The following NXPH1 variants were observed in gnomAD, a reference collection of about 807,000 sequenced individuals.
NXPH1 encodes the protein neurexophilin 1.
A neutral mutation model predicts 23.7 loss-of-function variants in NXPH1; 5 were observed. The ratio of observed to expected loss-of-function variants is 0.21; its 90% CI spans 0.11 to 0.44. NXPH1 has a LOEUF of 0.44. Among genes scored for constraint, NXPH1 ranks in the 20% least tolerant of loss-of-function variants. The pLI is 0.99. For missense variants in NXPH1, 324 were observed against 321.6 expected, an observed-to-expected ratio of 1.01 and a Z score of -0.06; for synonymous variants, 144 against 122.2, an observed-to-expected ratio of 1.18 and a Z score of -1.18.
At chr7:8,583,691 G>A (rs142971373) in intron 2 of NXPH1, among the ~76,000 whole-genome samples, 5 of 152,202 alleles carry the variant, frequency 3.3e-5, no homozygotes, top group Non-Finnish European at 5.9e-5. Context: ...AACAGGGGCC[G>A]AGAGCAACAA....
intron 2 of NXPH1, among the ~76,000 whole-genome samples, chr7:8,674,033 C>A (rs1820911064): frequency 6.6e-6 from 1 of 151,978 alleles, no homozygotes. Flanking sequence ...ACTTGGTTTG[C>A]AAATAAGATA....
chr7:8,697,877 A>G (rs139586272), intron 2 of NXPH1, among the ~76,000 whole-genome samples: 53 of 152,304 alleles, frequency 3.5e-4, no homozygotes, highest in African/African-American at 1.2e-3. Context: ...CAAGAGAGAC[A>G]CACTGGTAGA....
chr7:8,478,185 C>A (rs899854446), intron 2 of NXPH1, among the ~76,000 whole-genome samples: 1 of 151,944 alleles, frequency 6.6e-6, no homozygotes, highest in African/African-American at 2.4e-5. Flanking sequence ...CTCCAAAAGC[C>A]ACCAGAAAAA....
At chr7:8,740,542 C>T (rs560211434) in intron 2 of NXPH1, among the ~76,000 whole-genome samples, 3 of 152,250 alleles carry the variant, frequency 2.0e-5, no homozygotes, top group South Asian at 2.1e-4. Context: ...GACTGCAAAG[C>T]CCATTCTCTT....
At chr7:8,695,780 T>C (rs1433695851) in intron 2 of NXPH1, among the ~76,000 whole-genome samples, 1 of 152,210 alleles carries the variant, frequency 6.6e-6, no homozygotes, top group Non-Finnish European at 1.5e-5. Context: ...AAGATTCAGA[T>C]TGTTGAATTT....
intron 2 of NXPH1, among the ~76,000 whole-genome samples, chr7:8,679,882 G>A (rs1583227507): frequency 6.6e-6 from 1 of 152,244 alleles, no homozygotes; most frequent in Non-Finnish European, 1.5e-5. Context: ...TTAGCCAGGT[G>A]TGGTGGCGCG....
intron 2 of NXPH1, among the ~76,000 whole-genome samples, chr7:8,655,373 A>T (rs1386503968): frequency 7.0e-6 from 1 of 143,228 alleles, no homozygotes; most frequent in Non-Finnish European, 1.5e-5. Context: ...TGACAAAGGG[A>T]GTCTGTCTCT....
chr7:8,523,254 A>C (rs1817803542), intron 2 of NXPH1, among the ~76,000 whole-genome samples: 1 of 152,114 alleles, frequency 6.6e-6, no homozygotes, highest in Non-Finnish European at 1.5e-5. Context: ...TACCTTTCAC[A>C]CTTGGTGCCT....
chr7:8,554,268 T>A (rs1818320946), intron 2 of NXPH1, among the ~76,000 whole-genome samples: 1 of 151,580 alleles, frequency 6.6e-6, no homozygotes, highest in African/African-American at 2.4e-5. Flanking sequence ...TAAAATACAA[T>A]AATAGCCAGG....
intron 2 of NXPH1, among the ~76,000 whole-genome samples, chr7:8,710,804 A>G (rs1779780911): frequency 7.2e-6 from 1 of 138,226 alleles, no homozygotes; most frequent in Non-Finnish European, 1.5e-5. Flanking sequence ...CTGGGACTAC[A>G]GGCGCCCGCC....
At chr7:8,584,586 G>A (rs1409289752) in intron 2 of NXPH1, among the ~76,000 whole-genome samples, 1 of 152,076 alleles carries the variant, frequency 6.6e-6, no homozygotes, top group Non-Finnish European at 1.5e-5. Flanking sequence ...AGTATTAAAT[G>A]GTATCACAGA....
chr7:8,626,257 A>C (rs1819985161), intron 2 of NXPH1, among the ~76,000 whole-genome samples: 1 of 152,104 alleles, frequency 6.6e-6, no homozygotes, highest in Non-Finnish European at 1.5e-5. Context: ...GTAATGAAGC[A>C]TGGTTGGATA....
At position 8,709,362 on chromosome 7, in the gene NXPH1, A is replaced by G. The variant is rs559294822; in HGVS notation, c.55-41646A>G. Among the ~76,000 whole-genome samples the G allele has an allele frequency of 3.3e-5, 5 of 152,248 alleles. No homozygotes were observed. In the East Asian group the frequency reaches 9.6e-4, roughly 29 times the overall value. The stretch of plus-strand genomic sequence containing the variant: ...TTAAATGGTGTATTAGGTGCTTTGA[A>G]TTCTTGGTGGGATGAGTATAAAGAA... On this transcript the variant is annotated intron_variant, in intron 2 of 2. Coordinates refer to ENST00000405863, the MANE Select transcript of NXPH1 (RefSeq NM_152745.3).
intron 2 of NXPH1, among the ~76,000 whole-genome samples, chr7:8,568,508 C>G (rs373509978): frequency 9.9e-4 from 150 of 151,586 alleles, no homozygotes; most frequent in African/African-American, 3.5e-3. Context: ...TTTTTTGTTT[C>G]TTTTCACAGC....
At chr7:8,641,866 G>C (rs1820319112) in intron 2 of NXPH1, among the ~76,000 whole-genome samples, 1 of 151,998 alleles carries the variant, frequency 6.6e-6, no homozygotes, top group African/African-American at 2.4e-5. Flanking sequence ...TTAGTTTTCT[G>C]TGAATATATC....
At chr7:8,731,242 C>T (rs1442757607) in intron 2 of NXPH1, among the ~76,000 whole-genome samples, 2 of 151,922 alleles carry the variant, frequency 1.3e-5, no homozygotes, top group African/African-American at 4.8e-5. Flanking sequence ...ATACATTCTT[C>T]TAAATTTTTT....
intron 2 of NXPH1, among the ~76,000 whole-genome samples, chr7:8,526,447 G>A (rs1180807681): frequency 2.0e-5 from 3 of 152,190 alleles, no homozygotes; most frequent in African/African-American, 7.2e-5. Context: ...TTGGGGGACT[G>A]TTGGGAAGGC....
At chr7:8,669,117 G>T (rs1257606786) in intron 2 of NXPH1, among the ~76,000 whole-genome samples, 1 of 152,206 alleles carries the variant, frequency 6.6e-6, no homozygotes, top group Non-Finnish European at 1.5e-5. Context: ...ACTGTGATGG[G>T]TCTGAAGCCT....
intron 2 of NXPH1, among the ~76,000 whole-genome samples, chr7:8,477,114 A>G (rs1816987159): frequency 6.6e-6 from 1 of 152,138 alleles, no homozygotes; most frequent in African/African-American, 2.4e-5. Context: ...CAAATGAAGA[A>G]TTCCTTTTCT....
Sources: allele counts gnomAD v4.1 joint callset (sites outside exome capture counted in the v4.1 genomes callset), GRCh38; gene constraint gnomAD v4.1.1; transcripts MANE v1.5; gene names NCBI Gene and HGNC (gene_info 2026-07-23, HGNC 2026-07-21).